Variants in PCDHA7 observed in about 807,000 individuals in gnomAD.
PCDHA7 encodes protocadherin alpha 7, also known as protocadherin alpha-7.
PCDHA7 carries 37 observed loss-of-function variants against 57.2 expected under a neutral mutation model. The observed-to-expected ratio is 0.65, with a 90% CI of 0.50 to 0.85. The LOEUF (loss-of-function observed/expected upper bound fraction) is 0.85. Ranked by LOEUF, PCDHA7 falls within the 40% of genes least tolerant of loss-of-function variation. The pLI is 0.00. For missense variants in PCDHA7, 1,188 were observed against 1,241.8 expected (o/e 0.96, Z 0.65); for synonymous variants, 553 against 558.8 (o/e 0.99, Z 0.15).
At chr5:140,924,902 A>AT (rs1563068435) in intron 1 of PCDHA7, among the ~76,000 whole-genome samples, 2 of 39,026 alleles carry the variant, frequency 5.1e-5, no homozygotes, top group Non-Finnish European at 1.3e-4. Context: ...CTCAAAAAAA[A>AT]AAATAAAATA....
At chr5:140,846,541 A>AT (rs1226302144) in intron 1 of PCDHA7, among the ~76,000 whole-genome samples, 1 of 147,480 alleles carries the variant, frequency 6.8e-6, no homozygotes, top group Non-Finnish European at 1.5e-5. Flanking sequence ...TGCCCTGCTA[A>AT]TTTTTTGTAT....
intron 1 of PCDHA7, among the ~76,000 whole-genome samples, chr5:140,956,811 C>T (rs1349300314): frequency 6.6e-6 from 1 of 152,108 alleles, no homozygotes; most frequent in African/African-American, 2.4e-5. Context: ...TTTATTATTG[C>T]TTCAATTTGT....
Position 140,884,123 on chromosome 5 carries a change from C to T in PCDHA7, c.2355+47385C>T, listed in dbSNP as rs1360744073. 2.5e-6 allele frequency: 4 copies of T among 1,613,230 alleles called. No homozygotes were observed. The African/African-American group carries it at 4.0e-5, about 16-fold the overall frequency. ...ATTGCAGCTGGCGGCGGTCGGCGCGCGCATCCCGTTCCGCGTGGGGCTGTA... is the reference window on the plus strand; with the variant it reads ...ATTGCAGCTGGCGGCGGTCGGCGCGTGCATCCCGTTCCGCGTGGGGCTGTA... On this transcript the variant is annotated intron_variant, in intron 1 of 3. Coordinates refer to ENST00000525929, the MANE Select transcript of PCDHA7 (RefSeq NM_018910.3).
intron 1 of PCDHA7, chr5:140,868,996 G>T: frequency 6.6e-7 from 1 of 1,516,608 alleles, no homozygotes; most frequent in South Asian, 1.4e-5. Flanking sequence ...CACCGTTTAA[G>T]GATCCTTTGA....
At chr5:140,939,593 T>C (rs1554212802) in intron 1 of PCDHA7, among the ~76,000 whole-genome samples, 1 of 152,198 alleles carries the variant, frequency 6.6e-6, no homozygotes, top group African/African-American at 2.4e-5. Flanking sequence ...TAACATACCT[T>C]GCTCAAAAAC....
chr5:140,916,068 C>G (rs928159450), intron 1 of PCDHA7, among the ~76,000 whole-genome samples: 1 of 152,166 alleles, frequency 6.6e-6, no homozygotes, highest in African/African-American at 2.4e-5. Context: ...TCCCTGTGGC[C>G]AGTACTACCA....
At chr5:140,884,440 G>A in intron 1 of PCDHA7, 1 of 1,613,830 alleles carries the variant, frequency 6.2e-7, no homozygotes, top group Non-Finnish European at 8.5e-7. Flanking sequence ...TGCGGTGCTC[G>A]GCACCGCCCA....
At chr5:140,851,158 C>G (rs2041978839) in intron 1 of PCDHA7, 1 of 1,299,046 alleles carries the variant, frequency 7.7e-7, no homozygotes, top group African/African-American at 1.5e-5. Context: ...ATTTCTGATG[C>G]TATGCTGCCA....
intron 1 of PCDHA7, chr5:140,842,743 C>G: frequency 6.3e-7 from 1 of 1,595,140 alleles, no homozygotes; most frequent in Non-Finnish European, 8.6e-7. Flanking sequence ...GCTGCCACAT[C>G]TTCACGGTGT....
rs1459131060 is a variant in PCDHA7 at position 140,876,463 on chromosome 5, G to A, written c.2355+39725G>A. On this transcript the variant is annotated intron_variant, in intron 1 of 3. Transcript: ENST00000525929. ...CATTGATAAAGGGATTCCTTCCATG[G>A]CAGGTCACAGCATGGTCCTGGTGGA... is the stretch of plus-strand genomic sequence containing the variant. 3.7e-6 allele frequency: 6 copies of A among 1,613,896 alleles called. No homozygotes were observed. In the African/African-American group the frequency reaches 6.7e-5, roughly 18 times the overall value.
intron 1 of PCDHA7, among the ~76,000 whole-genome samples, chr5:140,935,464 G>A (rs2090388076): frequency 6.6e-6 from 1 of 152,146 alleles, no homozygotes; most frequent in Admixed American, 6.5e-5. Context: ...AGCAGTTTAA[G>A]TTTTTGTCAT....
At chr5:140,882,172 T>C (rs1582596670) in intron 1 of PCDHA7, 2 of 1,514,998 alleles carry the variant, frequency 1.3e-6, no homozygotes, top group South Asian at 2.7e-5. Context: ...TGCGAATCCT[T>C]CCGCACTAGG....
intron 1 of PCDHA7, among the ~76,000 whole-genome samples, chr5:140,897,136 A>G (rs1206983852): frequency 6.6e-6 from 1 of 152,096 alleles, no homozygotes; most frequent in Admixed American, 6.5e-5. Context: ...TAAACTTTCT[A>G]GCCTTTGTTA....
chr5:140,846,373 CTTT>C (rs374699051), intron 1 of PCDHA7, among the ~76,000 whole-genome samples: 4 of 55,148 alleles, frequency 7.3e-5, no homozygotes, highest in Middle Eastern at 0.012. Flanking sequence ...TTCTTTCTTT[CTTT>C]TTTTTTTTTT....
At chr5:141,000,410 TATATA>T in intron 3 of PCDHA7, among the ~76,000 whole-genome samples, 1 of 101,974 alleles carries the variant, frequency 9.8e-6, no homozygotes, top group African/African-American at 3.9e-5. Context: ...TATATATATA[TATATA>T]TATATATTTT....
intron 1 of PCDHA7, chr5:140,852,618 T>C: frequency 1.1e-6 from 1 of 941,450 alleles, no homozygotes; most frequent in Non-Finnish European, 1.3e-6. Flanking sequence ...AAAACTTGAG[T>C]GGTCTCTGAG....
chr5:140,872,338 A>T (rs970096150), intron 1 of PCDHA7, among the ~76,000 whole-genome samples: 2 of 152,156 alleles, frequency 1.3e-5, no homozygotes, highest in Non-Finnish European at 2.9e-5. Context: ...AAAATTCTAC[A>T]TGTTCTTGCC....
intron 1 of PCDHA7, among the ~76,000 whole-genome samples, chr5:140,838,763 C>A (rs1486404457): frequency 6.6e-6 from 1 of 151,830 alleles, no homozygotes; most frequent in Non-Finnish European, 1.5e-5. Context: ...TTTGTAGAGA[C>A]TTTGTAAAAT....
At chr5:140,866,812 C>A (rs1172521123) in intron 1 of PCDHA7, 1 of 152,120 alleles carries the variant, frequency 6.6e-6, no homozygotes, top group Non-Finnish European at 1.5e-5. Context: ...CACAAAGTTC[C>A]TTAATCTTCA....
Sources: gnomAD v4.1 joint callset for allele counts (sites outside exome capture counted in the v4.1 genomes callset) on GRCh38, gnomAD v4.1.1 for gene constraint, MANE v1.5 for transcripts, NCBI Gene and HGNC (gene_info 2026-07-23, HGNC 2026-07-21) for gene names.